The following SLC15A5 variants were observed in gnomAD, a reference collection of about 807,000 sequenced individuals.
The protein encoded by SLC15A5 is Peptide/histidine transporter ENSP00000340402.
SLC15A5 carries 58 observed loss-of-function variants against 56.1 expected under a neutral mutation model. That is an observed-to-expected ratio of 1.03 (90% CI 0.84 to 1.29). SLC15A5 has a LOEUF of 1.29. Among genes scored for constraint, SLC15A5 ranks in the 50% most tolerant of loss-of-function variants. The pLI, the probability that SLC15A5 is intolerant of heterozygous loss-of-function variation, is 0.00. For synonymous variants in SLC15A5, 264 were observed against 250.5 expected (o/e 1.05, Z -0.51); for missense variants, 681 against 672.1 (o/e 1.01, Z -0.15).
Position 16,189,593 on chromosome 12 carries a change from A to C in SLC15A5, c.*75T>G. On this transcript the variant is annotated 3_prime_UTR_variant, in exon 9 of 9. Coordinates refer to ENST00000344941, the MANE Select transcript of SLC15A5 (RefSeq NM_001170798.1). ...CTGTATATATTGGCTTTTACACTAA[A>C]ACACATAAAATGCTCAACTGAAGAA... The C allele has an allele frequency of 7.7e-7, 1 of 1,296,876 alleles. No individual in the cohort carries two copies. Among genetic ancestry groups the C allele is most frequent in the Non-Finnish European group, 9.9e-7 (1 of 1,007,046 alleles). The allele number at this position is 1,296,876 out of a possible 1,614,324, so 80.3% of individuals were successfully genotyped here.
chr12:16,252,414 G>C (rs1004973423), intron 3 of SLC15A5, among the ~76,000 whole-genome samples: 3 of 151,936 alleles, frequency 2.0e-5, no homozygotes, highest in Non-Finnish European at 2.9e-5. Context: ...CAAACACTAA[G>C]AATTCGACAC....
intron 3 of SLC15A5, among the ~76,000 whole-genome samples, chr12:16,257,054 G>C (rs1864583563): frequency 6.6e-6 from 1 of 151,914 alleles, no homozygotes; most frequent in African/African-American, 2.4e-5. Context: ...GAAACAATTG[G>C]AGATTTTAAC....
rs1311707800 is a variant in SLC15A5 at position 16,271,161 on chromosome 12, G to A, written c.584+1400C>T. 2.0e-5 allele frequency among the ~76,000 whole-genome samples: 3 copies of A among 152,066 alleles called. No homozygotes were observed. The highest frequency in any genetic ancestry group is 7.2e-5 in the African/African-American group (3 of 41,390). On this transcript the variant is annotated intron_variant, in intron 2 of 8. Transcript: ENST00000344941. The surrounding 1 kb of genome is among the most constrained non-coding windows in gnomAD (Gnocchi z 8.0). Reference sequence around the variant, plus strand: ...TGAAGCCCTAAAGCACACACCCAGTGGGAGTCCCCTCTGTTTCCCAAAGGA... The same window carrying A: ...TGAAGCCCTAAAGCACACACCCAGTAGGAGTCCCCTCTGTTTCCCAAAGGA...
intron 1 of SLC15A5, among the ~76,000 whole-genome samples, chr12:16,275,750 A>G (rs1021832059): frequency 6.6e-6 from 1 of 151,982 alleles, no homozygotes; most frequent in African/African-American, 2.4e-5. Context: ...CAAAGTTGGG[A>G]TTTCCATCCT....
intron 1 of SLC15A5, among the ~76,000 whole-genome samples, chr12:16,275,684 T>A (rs1334334531): frequency 6.6e-6 from 1 of 152,048 alleles, no homozygotes; most frequent in East Asian, 1.9e-4. Flanking sequence ...GAAATAACTT[T>A]TAGTAAAAAA....
intron 8 of SLC15A5, among the ~76,000 whole-genome samples, chr12:16,192,630 C>A (rs1175721444): frequency 6.6e-6 from 1 of 152,028 alleles, no homozygotes; most frequent in Non-Finnish European, 1.5e-5. Context: ...CAATGCTTAG[C>A]ATGTTGGTTG....
chr12:16,201,487 G>A (rs1024754662), intron 7 of SLC15A5, among the ~76,000 whole-genome samples: 1 of 152,082 alleles, frequency 6.6e-6, no homozygotes, highest in African/African-American at 2.4e-5. Flanking sequence ...ATATGTTTAG[G>A]CTTTGTGTCC....
At chr12:16,264,350 G>C (rs1163664335) in intron 2 of SLC15A5, among the ~76,000 whole-genome samples, 1 of 152,120 alleles carries the variant, frequency 6.6e-6, no homozygotes, top group East Asian at 1.9e-4. Flanking sequence ...TCTCCCATTT[G>C]GAATGGCTGT....
chr12:16,200,117 T>TA (rs1190582057), intron 7 of SLC15A5, among the ~76,000 whole-genome samples: 1 of 151,838 alleles, frequency 6.6e-6, no homozygotes, highest in Non-Finnish European at 1.5e-5. Context: ...GAAAAGTGAC[T>TA]ACGATACATG....
At chr12:16,213,343 GAGAACACATAGCT>G (rs1864101455) in intron 7 of SLC15A5, among the ~76,000 whole-genome samples, 1 of 152,112 alleles carries the variant, frequency 6.6e-6, no homozygotes, top group Admixed American at 6.5e-5. Context: ...AATAGAAACT[GAGAACACATAGCT>G]AGACTACCTA....
chr12:16,217,875 T>G (rs917539764), intron 6 of SLC15A5, among the ~76,000 whole-genome samples: 1 of 152,012 alleles, frequency 6.6e-6, no homozygotes, highest in African/African-American at 2.4e-5. Flanking sequence ...CCGGTAATGA[T>G]AGTAACAAGA....
At chr12:16,197,085 TAAAA>T (rs200484038) in intron 7 of SLC15A5, among the ~76,000 whole-genome samples, 1 of 146,818 alleles carries the variant, frequency 6.8e-6, no homozygotes, top group African/African-American at 2.5e-5. Flanking sequence ...GGGATTATCT[TAAAA>T]AAAAAAAGAA....
chr12:16,263,674 C>T (rs772527701), intron 2 of SLC15A5, among the ~76,000 whole-genome samples: 2 of 152,136 alleles, frequency 1.3e-5, no homozygotes, highest in Non-Finnish European at 2.9e-5. Flanking sequence ...GTTTTGTGGG[C>T]CAGGCCTAGG....
chr12:16,209,211 C>T (rs1217050309), intron 7 of SLC15A5, among the ~76,000 whole-genome samples: 2 of 145,290 alleles, frequency 1.4e-5, no homozygotes, highest in Admixed American at 6.9e-5. Context: ...CTGCTTGAAA[C>T]CATCTTCTTT....
chr12:16,231,899 C>T (rs907010292), intron 5 of SLC15A5, among the ~76,000 whole-genome samples: 2 of 152,176 alleles, frequency 1.3e-5, no homozygotes, highest in East Asian at 1.9e-4. Flanking sequence ...CTGAATAACT[C>T]CATTAAAAGA....
intron 5 of SLC15A5, among the ~76,000 whole-genome samples, chr12:16,226,745 A>G (rs915603693): frequency 1.3e-5 from 2 of 152,200 alleles, no homozygotes; most frequent in African/African-American, 4.8e-5. Flanking sequence ...GGAATTATCT[A>G]GAAGTTTTTT....
chr12:16,221,094 A>G (rs1057219825), intron 6 of SLC15A5, among the ~76,000 whole-genome samples: 18 of 152,122 alleles, frequency 1.2e-4, no homozygotes, highest in African/African-American at 3.9e-4. Flanking sequence ...AATGTAGGAC[A>G]CTGTCAAAAG....
At chr12:16,246,946 A>G (rs1013675787) in intron 3 of SLC15A5, among the ~76,000 whole-genome samples, 5 of 152,180 alleles carry the variant, frequency 3.3e-5, no homozygotes, top group African/African-American at 9.7e-5. Context: ...ATCGTGGTCA[A>G]TTCATTTGTG....
intron 5 of SLC15A5, among the ~76,000 whole-genome samples, chr12:16,229,457 C>A (rs1527013): frequency 0.54 from 81,762 of 151,776 alleles, 22,329 homozygotes; most frequent in South Asian, 0.73. Flanking sequence ...TAAATTAGAT[C>A]CCATAACATC....
Sources: gnomAD v4.1 joint callset for allele counts (sites outside exome capture counted in the v4.1 genomes callset) on GRCh38, gnomAD v4.1.1 for gene constraint, Gnocchi (gnomAD v3.1) non-coding constraint, MANE v1.5 for transcripts, NCBI Gene and HGNC (gene_info 2026-07-23, HGNC 2026-07-21) for gene names.